Variants in SP140 observed in about 807,000 individuals in gnomAD.
SP140 encodes nuclear body protein SP140.
Under a neutral mutation model 125.0 loss-of-function variants are expected in SP140, and 81 were observed. The observed-to-expected ratio is 0.65, with a 90% CI of 0.54 to 0.78. The LOEUF (loss-of-function observed/expected upper bound fraction) is 0.78, where lower values mean the gene tolerates loss of function less well. Ranked by LOEUF, SP140 falls within the 30% of genes least tolerant of loss-of-function variation. The pLI, the probability that SP140 is intolerant of heterozygous loss-of-function variation, is 0.00. For synonymous variants in SP140, 312 were observed against 354.0 expected (o/e 0.88, Z 1.33); for missense variants, 858 against 1,037.0 (o/e 0.83, Z 2.37).
intron 4 of SP140, 68 bp from the exon 5 acceptor site, chr2:230,243,663 G>A (rs2049013905): frequency 7.9e-7 from 1 of 1,271,026 alleles, no homozygotes; most frequent in African/African-American, 1.5e-5. Flanking sequence ...CTCATTATTT[G>A]TTTTCTTGTT....
rs770920488 is a variant in SP140, at chr2:230,290,544, A to C, written c.1805A>C (p.His602Pro). 6.2e-7 allele frequency: 1 copy of C among 1,613,570 alleles called. No individual in the cohort carries two copies. Among genetic ancestry groups the C allele is most frequent in the Admixed American group, 1.7e-5 (1 of 59,914 alleles). Residue 602 changes from histidine to proline, a missense_variant, in exon 19 of 27, where the codon CAT (histidine) becomes CCT (proline). His to Pro is a moderately conservative substitution (Grantham distance 77, BLOSUM62 -2). Transcript: ENST00000392045. ...VTCGGVKGIL[H>P]KKKLQQGILV... ...TGTGGTGGGGTGAAGGGAATTTTAC[A>C]TAAGAAGAAATTGCAGCAAGGTAGG...
rs918823026 is a variant in SP140, at chr2:230,235,862, G to A, written c.60-1221G>A. 2.2e-5 allele frequency among the ~76,000 whole-genome samples: 3 copies of A among 136,922 alleles called. No individual in the cohort carries two copies. The East Asian group carries it at 6.4e-4, about 29-fold the overall frequency. 89.8% of individuals were successfully genotyped at this position (136,922 alleles called of 152,430 possible). A position where few individuals can be genotyped will look rare whatever the true frequency, so the allele number is the denominator to read the frequency against. On this transcript the variant is annotated intron_variant, in intron 1 of 26. Transcript: ENST00000392045. ...GGACCAGAGAAAGAGTGATTTTCTT[G>A]TGACTGTTTTTTTTTTTTTTTTTTT...
intron 22 of SP140, among the ~76,000 whole-genome samples, chr2:230,303,387 A>G (rs1444406813): frequency 6.6e-6 from 1 of 152,230 alleles, no homozygotes; most frequent in African/African-American, 2.4e-5. Context: ...AGAGACCAGT[A>G]ACAAGCAGTG....
intron 22 of SP140, among the ~76,000 whole-genome samples, chr2:230,302,440 A>G (rs928326375): frequency 1.3e-5 from 2 of 152,220 alleles, no homozygotes; most frequent in African/African-American, 4.8e-5. Flanking sequence ...GAAATGAGAT[A>G]GATGGCAACA....
chr2:230,308,008 C>G (rs2058973984), intron 22 of SP140, among the ~76,000 whole-genome samples: 1 of 130,654 alleles, frequency 7.7e-6, no homozygotes, highest in Non-Finnish European at 1.7e-5. Flanking sequence ...CACACACACA[C>G]ACACACACAG....
intron 7 of SP140, 69 bp from the exon 8 acceptor site, chr2:230,247,847 T>G: frequency 6.7e-7 from 1 of 1,489,656 alleles, no homozygotes; most frequent in South Asian, 1.2e-5. Context: ...ATCTCCATCA[T>G]GCTCACTAAT....
At chr2:230,224,073 A>T (rs1035738206), upstream of SP140, among the ~76,000 whole-genome samples, 4 of 152,208 alleles carry the variant, frequency 2.6e-5, no homozygotes, top group Non-Finnish European at 5.9e-5. Context: ...AGATAGTGGG[A>T]AATAGAACTG....
At chr2:230,272,804 A>G (rs1021096160) in intron 15 of SP140, among the ~76,000 whole-genome samples, 1 of 152,096 alleles carries the variant, frequency 6.6e-6, no homozygotes, top group African/African-American at 2.4e-5. Context: ...CCTACAACTA[A>G]CTGATCTTTG....
chr2:230,266,985 G>A (rs1336600476), intron 12 of SP140, among the ~76,000 whole-genome samples: 2 of 152,148 alleles, frequency 1.3e-5, no homozygotes, highest in Non-Finnish European at 2.9e-5. Context: ...ATCTCATTAT[G>A]TTCACAGTCC....
intron 15 of SP140, among the ~76,000 whole-genome samples, chr2:230,282,706 A>T (rs546883174): frequency 6.6e-6 from 1 of 152,214 alleles, no homozygotes; most frequent in African/African-American, 2.4e-5. Flanking sequence ...CCTCTAAGGT[A>T]CAAGTCCTTA....
In SP140 at chr2:230,238,314, A is replaced by G. The variant is rs774874318; in HGVS notation, c.339A>G (p.Ala113=). Residue 113 remains alanine (A), a synonymous_variant, in exon 3 of 27, where the codon GCA becomes GCG. Transcript: ENST00000392045. ...EKTFGWSHLE[A]LFSRINLMAY... ...CATTTGGCTGGTCACATCTGGAAGCATTGTTCAGCAGGATTAACCTGATGG... is the reference window on the plus strand; with the variant it reads ...CATTTGGCTGGTCACATCTGGAAGCGTTGTTCAGCAGGATTAACCTGATGG... 11 of 1,613,930 alleles carry G rather than the reference A, an allele frequency of 6.8e-6. No homozygotes were observed. Among genetic ancestry groups the G allele is most frequent in the Admixed American group, 6.7e-5 (4 of 59,980 alleles).
At chr2:230,231,985 A>C (rs1034139234) in intron 1 of SP140, among the ~76,000 whole-genome samples, 1 of 152,090 alleles carries the variant, frequency 6.6e-6, no homozygotes, top group African/African-American at 2.4e-5. Flanking sequence ...CTGGGATTAC[A>C]GGTGTGAGCC....
intron 15 of SP140, 71 bp from the exon 16 acceptor site, chr2:230,284,275 A>G (rs969433324): frequency 4.6e-5 from 65 of 1,409,286 alleles, no homozygotes; most frequent in Non-Finnish European, 6.3e-5. Context: ...CTTTAATACT[A>G]TTGGCATATA....
At chr2:230,291,311 C>G (rs1373795504) in intron 19 of SP140, among the ~76,000 whole-genome samples, 1 of 152,182 alleles carries the variant, frequency 6.6e-6, no homozygotes, top group Non-Finnish European at 1.5e-5. Context: ...CAACTCACCA[C>G]TTAGAGTGTA....
intron 12 of SP140, among the ~76,000 whole-genome samples, chr2:230,262,956 T>C (rs959518558): frequency 1.3e-5 from 2 of 152,200 alleles, no homozygotes; most frequent in African/African-American, 2.4e-5. Flanking sequence ...AAATGTTCTA[T>C]ATATATCTGT....
the SP140 span, chr2:230,186,286 T>G: frequency 7.4e-5 from 56 of 756,464 alleles, no homozygotes; most frequent in Middle Eastern, 1.9e-3. Flanking sequence ...CTCATAATAC[T>G]TCCTTCTATT....
At chr2:230,281,972 A>G (rs924497186) in intron 15 of SP140, among the ~76,000 whole-genome samples, 4 of 152,140 alleles carry the variant, frequency 2.6e-5, no homozygotes, top group African/African-American at 9.7e-5. Context: ...AGGACCCATG[A>G]AAAGGATGGT....
rs557226419 is a variant in SP140, at chr2:230,214,892, C to T, written c.-91+818C>T. On this transcript the variant is annotated intron_variant, in intron 3 of 4. Transcript: ENST00000456542. The stretch of plus-strand genomic sequence containing the variant: ...ATATTCCACAGGGCTAGAAGTAAAC[C>T]CAGACTTTTACCATAGCAACTTTTT... The T allele has an allele frequency of 3.1e-5, 46 of 1,466,552 alleles. No individual in the cohort carries two copies. The East Asian group carries it at 6.6e-4, about 21-fold the overall frequency. The allele number at this position is 1,466,552 out of a possible 1,614,324, so 90.8% of individuals were successfully genotyped here.
chr2:230,206,602 TA>T (rs2043861056), intron 1 of SP140, among the ~76,000 whole-genome samples: 2 of 39,698 alleles, frequency 5.0e-5, no homozygotes, highest in Admixed American at 2.5e-4. Context: ...ATTTTATATA[TA>T]TATATATATA....
Sources: allele counts gnomAD v4.1 joint callset (sites outside exome capture counted in the v4.1 genomes callset), GRCh38; gene constraint gnomAD v4.1.1; transcripts MANE v1.5; gene names NCBI Gene and HGNC (gene_info 2026-07-23, HGNC 2026-07-21).